The following ZBBX variants were observed in gnomAD, a reference collection of about 807,000 sequenced individuals.
The protein encoded by ZBBX is zinc finger B-box domain-containing protein 1.
ZBBX carries 101 observed loss-of-function variants against 108.5 expected under a neutral mutation model. That is an observed-to-expected ratio of 0.93 (90% CI 0.79 to 1.10). The LOEUF is 1.10. Among genes scored for constraint, ZBBX ranks in the 50% least tolerant of loss-of-function variants. The pLI, the probability that ZBBX is intolerant of heterozygous loss-of-function variation, is 0.00. For missense variants in ZBBX, 1,009 were observed against 941.4 expected (o/e 1.07, Z -0.94); for synonymous variants, 356 against 323.4 (o/e 1.10, Z -1.08).
At chr3:167,296,537 T>C (rs1731720709) in intron 18 of ZBBX, among the ~76,000 whole-genome samples, 1 of 152,000 alleles carries the variant, frequency 6.6e-6, no homozygotes, top group African/African-American at 2.4e-5. Context: ...AGTAGTAGGA[T>C]ACAAAGTCAA....
intron 9 of ZBBX, among the ~76,000 whole-genome samples, chr3:167,339,314 TA>T (rs1740130190): frequency 1.3e-5 from 2 of 152,124 alleles, no homozygotes; most frequent in African/African-American, 4.8e-5. Flanking sequence ...TTCACTAAGT[TA>T]AGCCATCTAG....
chr3:167,190,632 G>T, the ZBBX span, among the ~76,000 whole-genome samples: 1 of 152,032 alleles, frequency 6.6e-6, no homozygotes, highest in Admixed American at 6.6e-5. Flanking sequence ...TGCCCACCTC[G>T]GCCTCCCAAA....
chr3:167,288,597 A>G (rs1215758441), intron 19 of ZBBX, among the ~76,000 whole-genome samples: 1 of 152,208 alleles, frequency 6.6e-6, no homozygotes, highest in Non-Finnish European at 1.5e-5. Flanking sequence ...AATATGCCAT[A>G]TCCTTAACTA....
intron 20 of ZBBX, among the ~76,000 whole-genome samples, chr3:167,249,467 C>T (rs1389017008): frequency 2.0e-5 from 3 of 152,160 alleles, no homozygotes; most frequent in African/African-American, 2.4e-5. Context: ...CCAGACCACC[C>T]TATACAGCTT....
intron 17 of ZBBX, among the ~76,000 whole-genome samples, chr3:167,301,908 G>A (rs955541413): frequency 5.1e-5 from 7 of 136,766 alleles, no homozygotes; most frequent in African/African-American, 1.4e-4. Flanking sequence ...TGTGAGCCAC[G>A]ATGGCACCAC....
At chr3:167,278,574 C>A (rs1271541330) in intron 20 of ZBBX, among the ~76,000 whole-genome samples, 2 of 149,164 alleles carry the variant, frequency 1.3e-5, no homozygotes, top group Non-Finnish European at 3.0e-5. Flanking sequence ...TCTGAATAGA[C>A]CAATAACAGG....
intron 1 of ZBBX, among the ~76,000 whole-genome samples, chr3:167,406,606 AAT>A (rs1748596120): frequency 6.6e-6 from 1 of 152,206 alleles, no homozygotes; most frequent in African/African-American, 2.4e-5. Flanking sequence ...CAAATAAATA[AAT>A]AGATAAAAGT....
chr3:167,298,485 T>C, intron 17 of ZBBX, 27 bp from the exon 18 acceptor site: 1 of 1,433,612 alleles, frequency 7.0e-7, no homozygotes, highest in Non-Finnish European at 9.3e-7. Flanking sequence ...TCAACAATAT[T>C]ATTTTCTAAC....
chr3:167,381,195 T>C (rs1747692804), upstream of ZBBX: 1 of 152,132 alleles, frequency 6.6e-6, no homozygotes, highest in Admixed American at 6.5e-5. Flanking sequence ...TGATTTCACT[T>C]GGCATATTCA....
chr3:167,182,364 G>T, the ZBBX span, among the ~76,000 whole-genome samples: 1 of 152,148 alleles, frequency 6.6e-6, no homozygotes, highest in Non-Finnish European at 1.5e-5. Context: ...GCTAGTAACC[G>T]CAACACTATA....
At chr3:167,368,709 G>A (rs368294684) in intron 4 of ZBBX, 135 bp from the exon 5 acceptor site, 112 of 1,277,154 alleles carry the variant, frequency 8.8e-5, no homozygotes, top group Middle Eastern at 6.0e-4. Context: ...GTACTTCTCC[G>A]AAATCTGGTT....
intron 9 of ZBBX, among the ~76,000 whole-genome samples, chr3:167,348,314 G>GAGAAAGAA (rs71176641): frequency 0.058 from 3,817 of 65,340 alleles, 181 homozygotes; most frequent in Admixed American, 0.068. Context: ...GAGAAAGAAA[G>GAGAAAGAA]AGAAAGAAAG....
At chr3:167,225,013 T>C in the ZBBX span, among the ~76,000 whole-genome samples, 4 of 151,918 alleles carry the variant, frequency 2.6e-5, no homozygotes, top group Non-Finnish European at 5.9e-5. Context: ...AGGACCCTTT[T>C]TGGTTCTTCC....
chr3:167,290,539 C>A (rs537469711), intron 18 of ZBBX, among the ~76,000 whole-genome samples: 1 of 152,212 alleles, frequency 6.6e-6, no homozygotes, highest in East Asian at 1.9e-4. Context: ...CACTCAGAGA[C>A]CCCATCTGAA....
At chr3:167,189,817 A>G in the ZBBX span, among the ~76,000 whole-genome samples, 2 of 152,216 alleles carry the variant, frequency 1.3e-5, no homozygotes, top group African/African-American at 2.4e-5. Context: ...TTCATAGTTT[A>G]CATTATGTTC....
chr3:167,274,879 C>T (rs996295356), intron 20 of ZBBX, among the ~76,000 whole-genome samples: 1 of 152,152 alleles, frequency 6.6e-6, no homozygotes. Flanking sequence ...ATAAAAACCC[C>T]CTGGTGTCCT....
At chr3:167,319,783 C>T (rs987606248) in intron 12 of ZBBX, among the ~76,000 whole-genome samples, 2 of 151,812 alleles carry the variant, frequency 1.3e-5, no homozygotes, top group Non-Finnish European at 2.9e-5. Context: ...TGTATACATA[C>T]ATATATATTT....
intron 20 of ZBBX, among the ~76,000 whole-genome samples, chr3:167,278,394 G>A (rs1470801320): frequency 1.7e-4 from 25 of 145,708 alleles, no homozygotes; most frequent in African/African-American, 3.6e-4. Context: ...TCAAATAGAC[G>A]CAATAAAAAA....
At chr3:167,376,500 C>A (rs1746978672) in intron 2 of ZBBX, among the ~76,000 whole-genome samples, 1 of 151,950 alleles carries the variant, frequency 6.6e-6, no homozygotes, top group Admixed American at 6.5e-5. Context: ...TTAAAATAAT[C>A]TAAATAATCT....
Sources: allele counts gnomAD v4.1 joint callset (sites outside exome capture counted in the v4.1 genomes callset), GRCh38; gene constraint gnomAD v4.1.1; transcripts MANE v1.5; gene names NCBI Gene and HGNC (gene_info 2026-07-23, HGNC 2026-07-21).